Variants in NLRC5 observed in about 807,000 individuals in gnomAD.
NLRC5 encodes protein NLRC5.
NLRC5 carries 114 observed loss-of-function variants against 206.9 expected under a neutral mutation model. The ratio of observed to expected loss-of-function variants is 0.55; its 90% CI spans 0.47 to 0.64. The LOEUF is 0.64. Ranked by LOEUF, NLRC5 falls within the 30% of genes least tolerant of loss-of-function variation. NLRC5 has a pLI of 0.00. For missense variants in NLRC5, 2,008 were observed against 2,305.5 expected, an observed-to-expected ratio of 0.87 and a Z score of 2.64; for synonymous variants, 952 against 962.8, an observed-to-expected ratio of 0.99 and a Z score of 0.21.
rs1555525380 is a variant in NLRC5, at chr16:57,036,086, G to GA, written c.2628-14_2628-13insA. 3.2e-6 allele frequency: 5 copies of GA among 1,570,626 alleles called. No homozygotes were observed. Among genetic ancestry groups the GA allele is most frequent in the Middle Eastern group, 1.7e-4 (1 of 5,996 alleles). On this transcript the variant is annotated splice_polypyrimidine_tract_variant and intron_variant, in intron 13 of 48. Transcript: ENST00000688547. Reference sequence around the variant, plus strand: ...CCAGCCCCACAATACAGTGCATTGGGCCCCCCGTCTCAGCCTCTCAGGGAA... The same window carrying GA: ...CCAGCCCCACAATACAGTGCATTGGGACCCCCCGTCTCAGCCTCTCAGGGAA...
Position 57,081,116 on chromosome 16 carries a change from C to A in NLRC5, c.5340C>A (p.Leu1780=), listed in dbSNP as rs767685427. ...LEVILLSWNL[L]GDEAAAELAQ... is the part of the protein sequence containing the mutation. ...CCTGCAGGCTGTCCTGGAATCTCCT[C>A]GGGGATGAGGCAGCTGCCGAGCTGG... Residue 1780 remains leucine, a synonymous_variant, in exon 47 of 49, where the codon CTC becomes CTA. Coordinates refer to ENST00000688547, the MANE Select transcript of NLRC5 (RefSeq NM_001384950.1). 1.3e-6 allele frequency: 2 copies of A among 1,547,884 alleles called. No homozygotes were observed. Among genetic ancestry groups the A allele is most frequent in the Non-Finnish European group, 8.7e-7 (1 of 1,147,888 alleles).
At chr16:56,993,964 T>TAAA (rs11392865) in intron 1 of NLRC5, among the ~76,000 whole-genome samples, 1,806 of 137,446 alleles carry the variant, frequency 0.013, 31 homozygotes, top group African/African-American at 0.04. Flanking sequence ...CTGTTTTTTG[T>TAAA]AAAAAAAAAA....
chr16:57,054,936 A>C, intron 25 of NLRC5, 96 bp downstream of exon 25: 1 of 1,580,570 alleles, frequency 6.3e-7, no homozygotes, highest in Non-Finnish European at 8.7e-7. Flanking sequence ...GTAGGACCCA[A>C]CTAGAGGCTG....
intron 41 of NLRC5, 146 bp downstream of exon 41, chr16:57,077,525 C>T (rs776462272): frequency 1.1e-6 from 1 of 927,000 alleles, no homozygotes; most frequent in South Asian, 1.6e-5. Context: ...CCTCCTGGCC[C>T]TCACTGCGGG....
rs766921516 is a variant in NLRC5 at position 57,045,466 on chromosome 16, C to A, written c.3222C>A (p.Ile1074=). ...RLDISFESQH[I]LLRGDKTSRD... ...CTTCCAGCTTTGAAAGCCAACACAT[C>A]CTCCTGAGAGGGGACAAGACAAGCA... The change falls in exon 21 of 49, where the codon ATC becomes ATA. Residue 1074 remains isoleucine, a synonymous_variant. Transcript: ENST00000688547. The A allele has an allele frequency of 6.2e-7, 1 of 1,614,142 alleles. No individual in the cohort carries two copies. Among genetic ancestry groups the A allele is most frequent in the Non-Finnish European group, 8.5e-7 (1 of 1,180,018 alleles).
At chr16:57,062,452 C>A in intron 32 of NLRC5, 2 of 256,268 alleles carry the variant, frequency 7.8e-6, no homozygotes, top group South Asian at 4.1e-5. Flanking sequence ...GGCATCACTG[C>A]CCCCATCCCC....
rs1411819311 is a variant in NLRC5 at position 57,069,934 on chromosome 16, G to A, written c.4583+15G>A. The A allele has an allele frequency of 1.4e-5, 22 of 1,559,970 alleles. No individual in the cohort carries two copies. The highest frequency in any genetic ancestry group is 2.1e-4 in the Middle Eastern group (1 of 4,722). On this transcript the variant is annotated intron_variant, in intron 37 of 48. Coordinates refer to ENST00000688547, the MANE Select transcript of NLRC5 (RefSeq NM_001384950.1). ...GAGGAGCTGGAGTGAGTTGCAGAGT[G>A]GAGGGATTGGGGACAAGTGGCCCAG...
At chr16:57,049,166 A>G (rs1465213896) in intron 23 of NLRC5, among the ~76,000 whole-genome samples, 3 of 152,212 alleles carry the variant, frequency 2.0e-5, no homozygotes, top group South Asian at 2.1e-4. Context: ...AAGTTTACGA[A>G]TTTTTGTTAG....
chr16:57,011,996 G>A (rs950020528), intron 1 of NLRC5, among the ~76,000 whole-genome samples: 1 of 152,078 alleles, frequency 6.6e-6, no homozygotes, highest in South Asian at 2.1e-4. Context: ...CCACAATCTG[G>A]TTTTGGGACA....
At chr16:56,998,904 A>G (rs578116127) in intron 1 of NLRC5, among the ~76,000 whole-genome samples, 1 of 152,354 alleles carries the variant, frequency 6.6e-6, no homozygotes, top group Admixed American at 6.5e-5. Context: ...TCTTTATCCA[A>G]GACTCTGTGT....
intron 1 of NLRC5, among the ~76,000 whole-genome samples, chr16:57,008,628 C>A (rs1414100631): frequency 6.6e-6 from 1 of 152,180 alleles, no homozygotes; most frequent in African/African-American, 2.4e-5. Flanking sequence ...GCCTTAAAAA[C>A]AACCCTTTAT....
At position 57,077,001 on chromosome 16, in the gene NLRC5, C is replaced by T; in HGVS notation, c.4835+99C>T. On this transcript the variant is annotated intron_variant, in intron 40 of 48. Coordinates refer to ENST00000688547, the MANE Select transcript of NLRC5 (RefSeq NM_001384950.1). ...GAGCACGCCCTTTGCTTCTTCATCT[C>T]ATCTCCTTCACCCACTTCTACACTG... is the stretch of plus-strand genomic sequence containing the variant. 3.9e-6 allele frequency: 4 copies of T among 1,038,014 alleles called. No individual in the cohort carries two copies. In the South Asian group the frequency reaches 3.9e-5, roughly 10 times the overall value. The allele number at this position is 1,038,014 out of a possible 1,614,324, so 64.3% of individuals were successfully genotyped here.
chr16:57,018,501 A>G (rs922929499), intron 2 of NLRC5, among the ~76,000 whole-genome samples: 2 of 152,194 alleles, frequency 1.3e-5, no homozygotes, highest in African/African-American at 4.8e-5. Context: ...TCTCTGCCTG[A>G]GTGAGGACCT....
At chr16:57,041,242 A>T in intron 17 of NLRC5, 1 of 519,330 alleles carries the variant, frequency 1.9e-6, no homozygotes, top group South Asian at 2.4e-5. Context: ...TCTCTCTCTG[A>T]GGTCTCTGTG....
At chr16:57,066,164 C>T (rs1427618121) in intron 33 of NLRC5, among the ~76,000 whole-genome samples, 5 of 152,048 alleles carry the variant, frequency 3.3e-5, no homozygotes, top group African/African-American at 1.2e-4. Flanking sequence ...GGGCCAGGCG[C>T]GGTGGCTCAC....
chr16:57,072,510 C>T (rs1416094970), intron 38 of NLRC5, among the ~76,000 whole-genome samples: 1 of 152,216 alleles, frequency 6.6e-6, no homozygotes, highest in African/African-American at 2.4e-5. Flanking sequence ...CATTTGTCTA[C>T]AGTTGTTTCC....
intron 12 of NLRC5, 130 bp downstream of exon 12, chr16:57,033,799 T>C: frequency 1.2e-6 from 1 of 855,468 alleles, no homozygotes; most frequent in Non-Finnish European, 1.9e-6. Context: ...TAGCCGGGTG[T>C]GGTGCCCATC....
chr16:56,991,071 T>G (rs1190954887), intron 1 of NLRC5: 1 of 152,182 alleles, frequency 6.6e-6, no homozygotes, highest in Non-Finnish European at 1.5e-5. Context: ...AATGAACATA[T>G]GCAAATCTAT....
chr16:57,070,971 GT>G (rs2067626542), intron 38 of NLRC5, among the ~76,000 whole-genome samples: 1 of 93,748 alleles, frequency 1.1e-5, no homozygotes, highest in Non-Finnish European at 2.4e-5. Flanking sequence ...AAGGAGATGA[GT>G]GAGTGGTGTT....
Sources: allele counts gnomAD v4.1 joint callset (sites outside exome capture counted in the v4.1 genomes callset), GRCh38; gene constraint gnomAD v4.1.1; transcripts MANE v1.5; gene names NCBI Gene and HGNC (gene_info 2026-07-23, HGNC 2026-07-21).